The following NDST4 variants were observed in gnomAD, a reference collection of about 807,000 sequenced individuals.
NDST4 encodes N-deacetylase and N-sulfotransferase 4.
Under a neutral mutation model 100.8 loss-of-function variants are expected in NDST4, and 63 were observed. That is an observed-to-expected ratio of 0.62 (90% CI 0.51 to 0.77). The LOEUF (loss-of-function observed/expected upper bound fraction) is 0.77, where lower values mean the gene tolerates loss of function less well. Among genes scored for constraint, NDST4 ranks in the 30% least tolerant of loss-of-function variants. The pLI is 0.00. For synonymous variants in NDST4, 377 were observed against 361.8 expected, an observed-to-expected ratio of 1.04 and a Z score of -0.48; for missense variants, 943 against 1,018.4, an observed-to-expected ratio of 0.93 and a Z score of 1.01.
chr4:115,077,854 A>G (rs963729482), intron 1 of NDST4, among the ~76,000 whole-genome samples: 6 of 152,192 alleles, frequency 3.9e-5, no homozygotes, highest in Non-Finnish European at 8.8e-5. Context: ...CAGCCCAGAT[A>G]CATAGGACTG....
chr4:115,074,300 G>A (rs571957028), intron 2 of NDST4, among the ~76,000 whole-genome samples: 1 of 152,030 alleles, frequency 6.6e-6, no homozygotes, highest in South Asian at 2.1e-4. Context: ...TTGAATTTGA[G>A]CTGGTTAAGT....
At chr4:114,851,650 G>T (rs1723678316) in intron 8 of NDST4, among the ~76,000 whole-genome samples, 1 of 152,078 alleles carries the variant, frequency 6.6e-6, no homozygotes, top group Non-Finnish European at 1.5e-5. Context: ...TATTTCTTTA[G>T]TAGTCACTCC....
At chr4:114,911,715 T>G (rs1387478737) in intron 6 of NDST4, among the ~76,000 whole-genome samples, 1 of 152,160 alleles carries the variant, frequency 6.6e-6, no homozygotes, top group Non-Finnish European at 1.5e-5. Context: ...TATTGGGTAT[T>G]TTTTCCTTTA....
In NDST4 at chr4:114,827,830, G is replaced by A; in HGVS notation, c.2605C>T (p.Gln869Ter). 3 of 1,610,648 alleles carry A rather than the reference G, an allele frequency of 1.9e-6. No homozygotes were observed. In the Admixed American group the frequency reaches 5.0e-5, roughly 27 times the overall value. Residue 869 changes from glutamine to a stop codon, truncating the protein, a stop_gained, in exon 14 of 14, where the codon CAG becomes TAG. Transcript: ENST00000264363. LOFTEE classifies it high-confidence loss of function. ...PLPSWLRQEL[Q>*]KVR ...TGTCTCCAGTGCTATCTCACTTTCT[G>A]CAGTTCCTGTCTCAGCCACGATGGC...
intron 7 of NDST4, among the ~76,000 whole-genome samples, chr4:114,853,031 T>A (rs537069131): frequency 6.6e-6 from 1 of 152,162 alleles, no homozygotes; most frequent in Non-Finnish European, 1.5e-5. Flanking sequence ...ATCAAGTCCT[T>A]CCTGTTGTTA....
intron 12 of NDST4, 81 bp from the exon 13 acceptor site, chr4:114,829,973 T>C: frequency 1.1e-6 from 1 of 873,520 alleles, no homozygotes; most frequent in African/African-American, 1.7e-5. Flanking sequence ...ATAAAGGAAA[T>C]GTATTTTTGT....
At chr4:115,066,642 T>A (rs944458144) in intron 2 of NDST4, among the ~76,000 whole-genome samples, 1 of 152,194 alleles carries the variant, frequency 6.6e-6, no homozygotes, top group African/African-American at 2.4e-5. Flanking sequence ...TAAACCATTC[T>A]TATTATAAGC....
chr4:115,029,083 G>T (rs573356619), intron 2 of NDST4, among the ~76,000 whole-genome samples: 1 of 152,066 alleles, frequency 6.6e-6, no homozygotes, highest in African/African-American at 2.4e-5. Flanking sequence ...AAGAAACTTA[G>T]TCAGGGTGCA....
At chr4:114,855,231 GT>G (rs143345211) in intron 7 of NDST4, among the ~76,000 whole-genome samples, 10,330 of 151,956 alleles carry the variant, frequency 0.068, 387 homozygotes, top group African/African-American at 0.094. Flanking sequence ...CAATCTTTGG[GT>G]TGTCTCTAAA....
intron 7 of NDST4, among the ~76,000 whole-genome samples, chr4:114,870,031 A>G (rs1724113727): frequency 6.6e-6 from 1 of 152,134 alleles, no homozygotes; most frequent in Non-Finnish European, 1.5e-5. Flanking sequence ...GGACTATCTG[A>G]TCTGCTCTCT....
intron 6 of NDST4, among the ~76,000 whole-genome samples, chr4:114,933,097 C>G (rs1461689160): frequency 6.6e-6 from 1 of 152,098 alleles, no homozygotes; most frequent in Non-Finnish European, 1.5e-5. Flanking sequence ...GTAATAAAAA[C>G]AGCAAGGTAC....
rs750275433 is a variant in NDST4 at position 114,827,840 on chromosome 4, T to C, written c.2595A>G (p.Arg865=). 1 of 1,612,394 alleles carries C rather than the reference T, an allele frequency of 6.2e-7. No homozygotes were observed. The highest frequency in any genetic ancestry group is 8.5e-7 in the Non-Finnish European group (1 of 1,179,182). Residue 865 remains arginine, a synonymous_variant, in exon 14 of 14, where the codon AGA becomes AGG. Coordinates refer to ENST00000264363, the MANE Select transcript of NDST4 (RefSeq NM_022569.3). ...GCTATCTCACTTTCTGCAGTTCCTG[T>C]CTCAGCCACGATGGCAGAGGCTGTC... ...RLGQPLPSWL[R]QELQKVR
chr4:114,842,464 G>A (rs1429104620), intron 10 of NDST4, among the ~76,000 whole-genome samples: 1 of 151,378 alleles, frequency 6.6e-6, no homozygotes, highest in Non-Finnish European at 1.5e-5. Context: ...CTACGAACTC[G>A]GATCAGCAAA....
At chr4:114,960,722 T>C (rs1015271009) in intron 4 of NDST4, among the ~76,000 whole-genome samples, 1 of 152,136 alleles carries the variant, frequency 6.6e-6, no homozygotes, top group Admixed American at 6.6e-5. Context: ...AAATGCAGTA[T>C]ATTTTTAATA....
At position 114,909,528 on chromosome 4, in the gene NDST4, C is replaced by T. The variant is rs558125408; in HGVS notation, c.1536+25678G>A. Among the ~76,000 whole-genome samples the T allele has an allele frequency of 1.6e-4, 24 of 150,966 alleles. No individual in the cohort carries two copies. The South Asian group carries it at 3.6e-3, about 22-fold the overall frequency. On this transcript the variant is annotated intron_variant, in intron 6 of 13. Coordinates refer to ENST00000264363, the MANE Select transcript of NDST4 (RefSeq NM_022569.3). ...ACAAAAAATTAGCCGGGCGCGGTGGCGGGCGCCTGTAGTCCCAGCTACTCG... is the reference window on the plus strand; with the variant it reads ...ACAAAAAATTAGCCGGGCGCGGTGGTGGGCGCCTGTAGTCCCAGCTACTCG...
intron 6 of NDST4, among the ~76,000 whole-genome samples, chr4:114,901,356 T>A (rs894271727): frequency 6.6e-6 from 1 of 152,074 alleles, no homozygotes; most frequent in African/African-American, 2.4e-5. Flanking sequence ...TCTTAAAAAA[T>A]TAATCACTAT....
chr4:114,937,594 A>T (rs1412719240), intron 4 of NDST4, 91 bp from the exon 5 acceptor site: 6 of 1,022,484 alleles, frequency 5.9e-6, no homozygotes, highest in South Asian at 1.8e-5. Context: ...GAATACATTG[A>T]ACTCTATGCT....
At chr4:114,958,342 A>T (rs140134510) in intron 4 of NDST4, among the ~76,000 whole-genome samples, 2 of 147,816 alleles carry the variant, frequency 1.4e-5, no homozygotes, top group Admixed American at 1.3e-4. Context: ...TTTGTAAAAC[A>T]TAGCAAGAGT....
At chr4:114,909,030 C>A (rs1457512201) in intron 6 of NDST4, among the ~76,000 whole-genome samples, 1 of 152,070 alleles carries the variant, frequency 6.6e-6, no homozygotes, top group Non-Finnish European at 1.5e-5. Context: ...TCTTTTTCTA[C>A]TACCTTGATA....
Sources: gnomAD v4.1 joint callset for allele counts (sites outside exome capture counted in the v4.1 genomes callset) on GRCh38, gnomAD v4.1.1 for gene constraint, MANE v1.5 for transcripts, NCBI Gene and HGNC (gene_info 2026-07-23, HGNC 2026-07-21) for gene names.